Variants in LBP observed in about 807,000 individuals in gnomAD.
LBP encodes lipopolysaccharide-binding protein.
LBP carries 53 observed loss-of-function variants against 56.6 expected under a neutral mutation model. That is an observed-to-expected ratio of 0.94 (90% CI 0.75 to 1.18). LBP has a LOEUF of 1.18. LBP is among the 50% of genes most tolerant of loss of function. The pLI is 0.00. For missense variants in LBP, 601 were observed against 598.3 expected, an observed-to-expected ratio of 1.00 and a Z score of -0.05; for synonymous variants, 227 against 247.5, an observed-to-expected ratio of 0.92 and a Z score of 0.78.
chr20:38,353,583 G>C (rs1357434003), intron 3 of LBP, among the ~76,000 whole-genome samples: 1 of 139,452 alleles, frequency 7.2e-6, no homozygotes, highest in African/African-American at 2.7e-5. Flanking sequence ...CGGGATAAAG[G>C]CTTAGAAGTT....
chr20:38,350,670 G>A (rs118051921), intron 2 of LBP, 141 bp from the exon 3 acceptor site: 16,559 of 875,982 alleles, frequency 0.019, 193 homozygotes, highest in Non-Finnish European at 0.023. Context: ...TCATAAGATC[G>A]ATGCCTGGGG....
intron 14 of LBP, among the ~76,000 whole-genome samples, chr20:38,375,758 G>T (rs995463725): frequency 1.3e-5 from 2 of 152,210 alleles, no homozygotes; most frequent in South Asian, 4.2e-4. Context: ...AGATGAACTG[G>T]GTTGGCGGAC....
At chr20:38,357,381 C>T (rs6127841) in intron 5 of LBP, among the ~76,000 whole-genome samples, 2,414 of 152,248 alleles carry the variant, frequency 0.016, 92 homozygotes, top group East Asian at 0.14. Context: ...TAGAGATCTT[C>T]GAATTATCTT....
chr20:38,364,161 C>T (rs1173312333), intron 7 of LBP, 95 bp downstream of exon 7: 2 of 821,416 alleles, frequency 2.4e-6, no homozygotes, highest in Non-Finnish European at 4.1e-6. Context: ...GATCTGTCCT[C>T]ATCCTCCCAG....
At chr20:38,370,833 G>A (rs1163973231) in intron 11 of LBP, 28 bp downstream of exon 11, 2 of 1,572,506 alleles carry the variant, frequency 1.3e-6, no homozygotes, top group East Asian at 2.2e-5. Context: ...CTACATGGGG[G>A]TGCCCAGCTG....
intron 10 of LBP, among the ~76,000 whole-genome samples, chr20:38,369,868 T>C (rs2076895263): frequency 6.6e-6 from 1 of 152,192 alleles, no homozygotes; most frequent in Non-Finnish European, 1.5e-5. Flanking sequence ...TCAGTTTTCC[T>C]TTTTTGATGG....
intron 10 of LBP, among the ~76,000 whole-genome samples, chr20:38,369,505 T>TG (rs11481047): frequency 3.3e-5 from 5 of 152,120 alleles, no homozygotes; most frequent in African/African-American, 1.2e-4. Context: ...TATTTGTCTA[T>TG]TTTGACCTTG....
At chr20:38,366,888 C>G (rs2076884346) in intron 9 of LBP, 60 bp downstream of exon 9, 1 of 1,439,782 alleles carries the variant, frequency 6.9e-7, no homozygotes, top group African/African-American at 1.4e-5. Flanking sequence ...CCAGAGGTTT[C>G]TCTTTAAAAC....
intron 12 of LBP, among the ~76,000 whole-genome samples, chr20:38,372,667 C>T (rs1600731313): frequency 2.0e-5 from 3 of 152,172 alleles, no homozygotes; most frequent in Admixed American, 6.5e-5. Flanking sequence ...CAGACATGCA[C>T]GTAAAGCTCT....
chr20:38,368,468 G>A (rs143882452), intron 9 of LBP, among the ~76,000 whole-genome samples: 358 of 152,172 alleles, frequency 2.4e-3, no homozygotes, highest in Non-Finnish European at 2.7e-3. Flanking sequence ...GTGTGGTGGT[G>A]CACACCTGTA....
chr20:38,375,201 T>A (rs1451043521), intron 14 of LBP, among the ~76,000 whole-genome samples: 1 of 152,176 alleles, frequency 6.6e-6, no homozygotes, highest in East Asian at 1.9e-4. Flanking sequence ...AAGGGTTTTT[T>A]TTTTTAAGTT....
intron 2 of LBP, 50 bp downstream of exon 2, chr20:38,349,712 CAG>C (rs779310234): frequency 4.5e-6 from 6 of 1,333,536 alleles, no homozygotes; most frequent in Non-Finnish European, 4.2e-6. Context: ...AGCTGGCTGT[CAG>C]GGGGAATTGG....
At chr20:38,359,193 G>T (rs1374127679) in intron 5 of LBP, among the ~76,000 whole-genome samples, 1 of 152,096 alleles carries the variant, frequency 6.6e-6, no homozygotes, top group Non-Finnish European at 1.5e-5. Flanking sequence ...CTTGCTTTTA[G>T]AGGGGTTTTT....
intron 5 of LBP, among the ~76,000 whole-genome samples, chr20:38,356,494 GC>G (rs562653088): frequency 3.2e-3 from 489 of 150,738 alleles, no homozygotes; most frequent in Non-Finnish European, 4.9e-3. Flanking sequence ...GGCTTTGAGT[GC>G]CCCCTCGTGG....
Position 38,369,144 on chromosome 20 carries a change from T to C in LBP, c.1131T>C (p.Pro377=), listed in dbSNP as rs556836878. ...FVLLPSSSKE[P]VFRLSVATNV... ...TCCTGCCCAGCTCCAGCAAGGAGCC[T>C]GTCTTCCGGCTCAGTGTGGTAAGGT... The change falls in exon 10 of 15, where the codon CCT becomes CCC. Residue 377 remains proline, a synonymous_variant. Transcript: ENST00000217407. The C allele has an allele frequency of 6.2e-7, 1 of 1,614,058 alleles. No individual in the cohort carries two copies. Among genetic ancestry groups the C allele is most frequent in the Admixed American group, 1.7e-5 (1 of 60,000 alleles).
intron 7 of LBP, among the ~76,000 whole-genome samples, 190 bp downstream of exon 7, chr20:38,364,256 C>T (rs2076872593): frequency 6.6e-6 from 1 of 152,170 alleles, no homozygotes. Flanking sequence ...CTGTCTTACA[C>T]CTCTCAGGTC....
intron 5 of LBP, among the ~76,000 whole-genome samples, chr20:38,360,259 C>CA (rs11478545): frequency 1.8e-3 from 217 of 118,324 alleles, no homozygotes; most frequent in Middle Eastern, 4.6e-3. Flanking sequence ...GACTCCATCT[C>CA]AAAAAAAAAA....
intron 3 of LBP, among the ~76,000 whole-genome samples, chr20:38,351,891 T>C (rs1379388287): frequency 1.3e-5 from 2 of 151,858 alleles, no homozygotes. Context: ...ATTTAAAAAT[T>C]AGCCAGGTGT....
chr20:38,366,807 C>T lies in LBP; in HGVS notation c.960C>T (p.Ser320=), dbSNP rs1454185109. The change falls in exon 9 of 15, where the codon TCC becomes TCT. Residue 320 remains serine (S), a synonymous_variant. Transcript: ENST00000217407. The part of the protein sequence containing the change: ...PDSNIRLTTK[S]FRPFVPRLAR... ...CTAATATCCGACTGACCACCAAGTCCTTCCGACCCTTCGTCCCACGGGTAA... is the reference window on the plus strand; with the variant it reads ...CTAATATCCGACTGACCACCAAGTCTTTCCGACCCTTCGTCCCACGGGTAA... 3.7e-6 allele frequency: 6 copies of T among 1,614,168 alleles called. No homozygotes were observed. Among genetic ancestry groups the T allele is most frequent in the Non-Finnish European group, 5.1e-6 (6 of 1,180,032 alleles).
Sources: gnomAD v4.1 joint callset for allele counts (sites outside exome capture counted in the v4.1 genomes callset) on GRCh38, gnomAD v4.1.1 for gene constraint, MANE v1.5 for transcripts, NCBI Gene and HGNC (gene_info 2026-07-23, HGNC 2026-07-21) for gene names.